Variants in ANKHD1 observed in about 807,000 individuals in gnomAD.
The protein encoded by ANKHD1 is ankyrin repeat and KH domain containing 1.
A neutral mutation model predicts 230.5 loss-of-function variants in ANKHD1; 31 were observed. The ratio of observed to expected loss-of-function variants is 0.13; its 90% CI spans 0.10 to 0.18. The LOEUF (loss-of-function observed/expected upper bound fraction) is 0.18. Ranked by LOEUF, ANKHD1 falls within the 10% of genes least tolerant of loss-of-function variation. The pLI is 1.00. For missense variants in ANKHD1, 2,256 were observed against 3,071.3 expected (o/e 0.73, Z 6.27); for synonymous variants, 1,074 against 1,117.6 (o/e 0.96, Z 0.78).
chr5:140,486,151 G>A (rs777713544), intron 13 of ANKHD1: 4 of 182,798 alleles, frequency 2.2e-5, no homozygotes, highest in Non-Finnish European at 4.4e-5. Flanking sequence ...CGCAACCTCC[G>A]CCTCCCAGGC....
intron 20 of ANKHD1, 145 bp from the exon 21 acceptor site, chr5:140,509,491 TC>T (rs1752671880): frequency 3.2e-6 from 3 of 946,700 alleles, no homozygotes; most frequent in Non-Finnish European, 4.2e-6. Context: ...ATTGCTTAGC[TC>T]TTTTATGAGA....
chr5:140,426,540 A>T (rs2126884892), intron 1 of ANKHD1, among the ~76,000 whole-genome samples: 1 of 150,826 alleles, frequency 6.6e-6, no homozygotes, highest in Admixed American at 6.6e-5. Flanking sequence ...TTTTTTATTG[A>T]TCATTCTTGG....
chr5:140,471,230 CTTTTG>C (rs1315042823), intron 10 of ANKHD1, among the ~76,000 whole-genome samples: 1 of 152,086 alleles, frequency 6.6e-6, no homozygotes, highest in Non-Finnish European at 1.5e-5. Flanking sequence ...ACTTTCCAGT[CTTTTG>C]TTTTATCACT....
At chr5:140,468,820 A>G (rs1776290512) in intron 10 of ANKHD1, among the ~76,000 whole-genome samples, 1 of 152,226 alleles carries the variant, frequency 6.6e-6, no homozygotes. Flanking sequence ...TAAATATTAC[A>G]AATGGTGCTG....
chr5:140,480,157 T>C (rs77951561), intron 10 of ANKHD1, among the ~76,000 whole-genome samples: 105 of 152,040 alleles, frequency 6.9e-4, no homozygotes, highest in African/African-American at 2.4e-3. Context: ...AATACAGAGT[T>C]GTGGCATTGT....
intron 14 of ANKHD1, among the ~76,000 whole-genome samples, chr5:140,493,876 TCTA>T (rs1751915806): frequency 6.6e-6 from 1 of 152,200 alleles, no homozygotes; most frequent in South Asian, 2.1e-4. Flanking sequence ...TCCTCAAAAT[TCTA>T]CTCTTATTTT....
chr5:140,483,485 TTCAC>T (rs1344293240), intron 11 of ANKHD1, among the ~76,000 whole-genome samples: 2 of 147,232 alleles, frequency 1.4e-5, no homozygotes, highest in East Asian at 3.9e-4. Context: ...GAGAAGGAGT[TTCAC>T]TCTTTTTACC....
At position 140,512,831 on chromosome 5, in the gene ANKHD1, C is replaced by A; in HGVS notation, c.4108C>A (p.His1370Asn). The change falls in exon 23 of 34, where the codon CAT becomes AAT. Residue 1370 changes from histidine to asparagine, a missense_variant. Physicochemically the swap from His to Asn is moderately conservative, Grantham distance 68. This residue lies in a region of ANKHD1 where 195 missense variants were observed against 340.3 expected (regional missense o/e 0.57). Transcript: ENST00000360839. The part of the protein sequence containing the change: ...TPLMSAFRKG[H>N]VKVVQYLVKE... ...AAGATTGTTGTACTTCTTATAGGGT[C>A]ATGTAAAAGTTGTTCAATATTTGGT... is the stretch of plus-strand genomic sequence containing the variant. 1 of 1,595,202 alleles carries A rather than the reference C, an allele frequency of 6.3e-7. No individual in the cohort carries two copies. The highest frequency in any genetic ancestry group is 1.2e-5 in the South Asian group (1 of 86,784).
chr5:140,438,434 TA>T, intron 2 of ANKHD1, 26 bp from the exon 3 acceptor site: 1 of 1,565,318 alleles, frequency 6.4e-7, no homozygotes, highest in Non-Finnish European at 8.7e-7. Flanking sequence ...TGTTCTGCAC[TA>T]CCTGATTGAT....
chr5:140,463,062 T>A (rs1261910277), intron 9 of ANKHD1, among the ~76,000 whole-genome samples: 6 of 152,064 alleles, frequency 3.9e-5, no homozygotes, highest in Non-Finnish European at 8.8e-5. Context: ...TTGCTTAGGC[T>A]GATCTCAAAG....
At chr5:140,536,490 T>A (rs556993731) in intron 30 of ANKHD1, among the ~76,000 whole-genome samples, 1 of 152,228 alleles carries the variant, frequency 6.6e-6, no homozygotes, top group Non-Finnish European at 1.5e-5. Context: ...CATGAGGTAG[T>A]CAGTGAGTAT....
rs535598660 is a variant in ANKHD1, at chr5:140,457,015, AAAAC to A, written c.1243-1607_1243-1604del. On this transcript the variant is annotated intron_variant, in intron 7 of 33. Coordinates refer to ENST00000360839, the MANE Select transcript of ANKHD1 (RefSeq NM_017747.3). ...TGAACTCAAACAAATTTACAAGAAA[AAAAC>A]AACCCCATCAAAAAGTGGACAAAGG... Among the ~76,000 whole-genome samples the A allele has an allele frequency of 2.0e-3, 305 of 151,804 alleles. 1 individual carries two copies. Among genetic ancestry groups the A allele is most frequent in the African/African-American group, 6.9e-3 (287 of 41,492 alleles).
intron 15 of ANKHD1, chr5:140,498,296 C>G (rs569345381): frequency 6.6e-6 from 1 of 152,208 alleles, no homozygotes; most frequent in South Asian, 2.1e-4. Context: ...ATTATGCTAT[C>G]TCAGTTTCCT....
chr5:140,403,179 G>A (rs1490830030), intron 1 of ANKHD1, among the ~76,000 whole-genome samples: 1 of 151,760 alleles, frequency 6.6e-6, no homozygotes, highest in Non-Finnish European at 1.5e-5. Flanking sequence ...ATGTTGGTCA[G>A]GCTGGTCTCG....
At chr5:140,427,332 C>T in intron 1 of ANKHD1, among the ~76,000 whole-genome samples, 1 of 143,368 alleles carries the variant, frequency 7.0e-6, no homozygotes, top group African/African-American at 2.6e-5. Context: ...GCCGACCCCC[C>T]CACCTCCCTC....
intron 14 of ANKHD1, among the ~76,000 whole-genome samples, chr5:140,492,898 C>T (rs1193238670): frequency 6.6e-6 from 1 of 152,048 alleles, no homozygotes; most frequent in Non-Finnish European, 1.5e-5. Context: ...AAATACATGT[C>T]CACCTCATTC....
In ANKHD1 at chr5:140,510,034, T is replaced by G; in HGVS notation, c.3957T>G (p.Asp1319Glu). 6.2e-7 allele frequency: 1 copy of G among 1,613,640 alleles called. No individual in the cohort carries two copies. Among genetic ancestry groups the G allele is most frequent in the African/African-American group, 1.3e-5 (1 of 75,044 alleles). ...TTGTTTACAGGGGAGCCCACATTGA[T>G]GTTCGTAACAAAAAGGGAAATACGC... The part of the protein sequence containing the change: ...ELLIHRGAHI[D>E]VRNKKGNTPL... Residue 1319 changes from aspartate to glutamate, a missense_variant, in exon 22 of 34, where the codon GAT (aspartate) becomes GAG (glutamate). Transcript: ENST00000360839.
At chr5:140,422,765 G>A (rs182445709) in intron 1 of ANKHD1, among the ~76,000 whole-genome samples, 107 of 151,046 alleles carry the variant, frequency 7.1e-4, no homozygotes, top group African/African-American at 2.4e-3. Context: ...AGCCAAGATT[G>A]CACCATTGCA....
chr5:140,403,841 A>G (rs1770194324), intron 1 of ANKHD1, among the ~76,000 whole-genome samples: 1 of 152,190 alleles, frequency 6.6e-6, no homozygotes, highest in African/African-American at 2.4e-5. Flanking sequence ...CTCTGTGTGT[A>G]CTAACAATCC....
Sources: allele counts gnomAD v4.1 joint callset (sites outside exome capture counted in the v4.1 genomes callset), GRCh38; gene constraint gnomAD v4.1.1; regional missense constraint gnomAD v4.1.1; transcripts MANE v1.5; gene names NCBI Gene and HGNC (gene_info 2026-07-23, HGNC 2026-07-21).